The following RBFOX1 variants were observed in gnomAD, a reference collection of about 807,000 sequenced individuals.
The protein encoded by RBFOX1 is RNA binding protein fox-1 homolog 1.
A neutral mutation model predicts 57.7 loss-of-function variants in RBFOX1; 8 were observed. The ratio of observed to expected loss-of-function variants is 0.14; its 90% CI spans 0.08 to 0.25. The LOEUF (loss-of-function observed/expected upper bound fraction) is 0.25, where lower values mean the gene tolerates loss of function less well. RBFOX1 is among the 10% of genes least tolerant of loss of function. RBFOX1 has a pLI of 1.00. For synonymous variants in RBFOX1, 326 were observed against 222.4 expected, an observed-to-expected ratio of 1.47 and a Z score of -4.15; for missense variants, 611 against 548.5, an observed-to-expected ratio of 1.11 and a Z score of -1.14.
intron 3 of RBFOX1, among the ~76,000 whole-genome samples, chr16:6,688,041 C>A (rs752448443): frequency 6.6e-6 from 1 of 152,178 alleles, no homozygotes; most frequent in Non-Finnish European, 1.5e-5. Flanking sequence ...TTGTATTAGT[C>A]CATTCTTGCA....
At chr16:7,513,095 C>G (rs1244148599) in intron 4 of RBFOX1, among the ~76,000 whole-genome samples, 1 of 152,014 alleles carries the variant, frequency 6.6e-6, no homozygotes, top group East Asian at 1.9e-4. Flanking sequence ...AACGCCGTCT[C>G]TACTAAAAAT....
At chr16:7,531,087 T>G (rs979302414) in intron 5 of RBFOX1, among the ~76,000 whole-genome samples, 6 of 152,180 alleles carry the variant, frequency 3.9e-5, no homozygotes, top group African/African-American at 1.4e-4. Context: ...ATGTGAAGGC[T>G]TAAATGTTGC....
chr16:6,796,729 C>G (rs906158423), intron 3 of RBFOX1, among the ~76,000 whole-genome samples: 1 of 152,204 alleles, frequency 6.6e-6, no homozygotes, highest in Non-Finnish European at 1.5e-5. Flanking sequence ...CCTGGGTACA[C>G]ATTTATGATC....
In RBFOX1 at chr16:7,070,849, A is replaced by G. The variant is rs1354182174; in HGVS notation, c.27+18751A>G. On this transcript the variant is annotated intron_variant, in intron 4 of 15. Coordinates refer to ENST00000550418, the MANE Select transcript of RBFOX1 (RefSeq NM_018723.4). ...CTGGAACCTAACTGCACAGACACCA[A>G]ATTGACCAAGGGTGACAAAACCAGC... 3.9e-5 allele frequency among the ~76,000 whole-genome samples: 6 copies of G among 152,148 alleles called. No individual in the cohort carries two copies. The East Asian group carries it at 5.8e-4, about 15-fold the overall frequency.
intron 3 of RBFOX1, among the ~76,000 whole-genome samples, chr16:6,824,923 A>G (rs892678894): frequency 4.2e-5 from 6 of 144,340 alleles, no homozygotes; most frequent in African/African-American, 1.5e-4. Flanking sequence ...AGAGGCAACC[A>G]TTGGTACATG....
chr16:5,286,901 T>C (rs1473045358), intron 1 of RBFOX1, among the ~76,000 whole-genome samples: 11 of 152,236 alleles, frequency 7.2e-5, no homozygotes, highest in African/African-American at 2.7e-4. Flanking sequence ...CCTTGGTCTA[T>C]AGTTTGCCAA....
chr16:5,296,517 C>T (rs774472062), intron 1 of RBFOX1, among the ~76,000 whole-genome samples: 2 of 151,800 alleles, frequency 1.3e-5, no homozygotes, highest in Non-Finnish European at 2.9e-5. Context: ...CGAGACAAAT[C>T]CTTGGTTCTC....
chr16:6,103,037 G>A (rs762880858), intron 1 of RBFOX1, among the ~76,000 whole-genome samples: 1 of 152,106 alleles, frequency 6.6e-6, no homozygotes, highest in Non-Finnish European at 1.5e-5. Flanking sequence ...CCCCTCTTTT[G>A]GACAATTAAG....
intron 2 of RBFOX1, among the ~76,000 whole-genome samples, chr16:6,645,654 G>T (rs1246571846): frequency 6.6e-6 from 1 of 152,136 alleles, no homozygotes; most frequent in African/African-American, 2.4e-5. Context: ...AGAGGCCTTG[G>T]AAGAGAAAAC....
At chr16:6,449,593 T>C (rs1055483222) in intron 2 of RBFOX1, among the ~76,000 whole-genome samples, 1 of 152,218 alleles carries the variant, frequency 6.6e-6, no homozygotes, top group Non-Finnish European at 1.5e-5. Flanking sequence ...AGCCTTATGA[T>C]GGGCACTGGG....
At chr16:5,887,306 A>G (rs1402111602) in intron 4 of RBFOX1, among the ~76,000 whole-genome samples, 1 of 152,202 alleles carries the variant, frequency 6.6e-6, no homozygotes. Context: ...GAATGTAACA[A>G]CTAGAAATGA....
At chr16:6,430,109 A>T (rs572387587) in intron 2 of RBFOX1, among the ~76,000 whole-genome samples, 1 of 151,244 alleles carries the variant, frequency 6.6e-6, no homozygotes, top group South Asian at 2.1e-4. Flanking sequence ...ACTCCATCTC[A>T]AGAAGAAAAA....
intron 5 of RBFOX1, among the ~76,000 whole-genome samples, chr16:7,560,099 G>C (rs770765164): frequency 6.6e-6 from 1 of 152,332 alleles, no homozygotes; most frequent in African/African-American, 2.4e-5. Flanking sequence ...CCTTACCCAG[G>C]TGACTTAGAG....
chr16:7,436,476 CAT>C (rs1185221571), intron 4 of RBFOX1, among the ~76,000 whole-genome samples: 2 of 152,212 alleles, frequency 1.3e-5, no homozygotes, highest in African/African-American at 4.8e-5. Context: ...CAGGTGGAGA[CAT>C]GTGTCTTCAC....
intron 3 of RBFOX1, among the ~76,000 whole-genome samples, chr16:7,005,015 G>A (rs181823657): frequency 3.0e-4 from 46 of 152,212 alleles, no homozygotes; most frequent in East Asian, 1.2e-3. Context: ...ATGATGGTGC[G>A]TGCCTGTTAT....
chr16:7,596,196 T>C (rs2094693854), intron 8 of RBFOX1, among the ~76,000 whole-genome samples: 2 of 147,834 alleles, frequency 1.4e-5, no homozygotes, highest in East Asian at 2.1e-4. Flanking sequence ...AAGAAGCCAG[T>C]TTGAATTTCT....
At chr16:7,394,562 A>C (rs939129599) in intron 4 of RBFOX1, among the ~76,000 whole-genome samples, 1 of 152,112 alleles carries the variant, frequency 6.6e-6, no homozygotes, top group African/African-American at 2.4e-5. Context: ...GTTTCCATTT[A>C]TCCATTCCTC....
At chr16:6,612,911 A>C (rs1331143658) in intron 2 of RBFOX1, among the ~76,000 whole-genome samples, 4 of 151,568 alleles carry the variant, frequency 2.6e-5, no homozygotes, top group Non-Finnish European at 5.9e-5. Context: ...TTTCCTTAAA[A>C]CTGAAAGTGA....
intron 3 of RBFOX1, among the ~76,000 whole-genome samples, chr16:6,874,741 TA>T (rs764441901): frequency 1.3e-5 from 2 of 151,576 alleles, no homozygotes; most frequent in Non-Finnish European, 2.9e-5. Context: ...CACAAAAGCA[TA>T]AAAAATGACA....
Sources: gnomAD v4.1 joint callset for allele counts (sites outside exome capture counted in the v4.1 genomes callset) on GRCh38, gnomAD v4.1.1 for gene constraint, MANE v1.5 for transcripts, NCBI Gene and HGNC (gene_info 2026-07-23, HGNC 2026-07-21) for gene names.